CEACAM1: variants seen among roughly 807,000 people sequenced by gnomAD.
CEACAM1 encodes cell adhesion molecule CEACAM1.
A neutral mutation model predicts 49.1 loss-of-function variants in CEACAM1; 31 were observed. The observed-to-expected ratio is 0.63, with a 90% CI of 0.47 to 0.85. The LOEUF (loss-of-function observed/expected upper bound fraction) is 0.85. Among genes scored for constraint, CEACAM1 ranks in the 40% least tolerant of loss-of-function variants. The pLI is 0.00. For missense variants in CEACAM1, 570 were observed against 645.3 expected (o/e 0.88, Z 1.26); for synonymous variants, 244 against 247.8 (o/e 0.98, Z 0.14).
chr19:42,511,551 C>T, intron 7 of CEACAM1, 25 bp downstream of exon 7: 1 of 1,596,586 alleles, frequency 6.3e-7, no homozygotes, highest in Non-Finnish European at 8.6e-7. Context: ...TACCAGTTCT[C>T]ACTGGGGTAA....
chr19:42,519,630 C>T (rs1437881803), intron 4 of CEACAM1, among the ~76,000 whole-genome samples: 3 of 150,588 alleles, frequency 2.0e-5, no homozygotes, highest in African/African-American at 7.4e-5. Context: ...AATGCAGTGG[C>T]ATGATCTCAG....
At chr19:42,513,910 AT>A (rs1423261706) in intron 5 of CEACAM1, among the ~76,000 whole-genome samples, 8 of 132,968 alleles carry the variant, frequency 6.0e-5, no homozygotes, top group African/African-American at 2.6e-4. Context: ...ATATATATAT[AT>A]ATATATAATA....
At chr19:42,516,921 A>G in intron 5 of CEACAM1, 2 of 398,944 alleles carry the variant, frequency 5.0e-6, no homozygotes, top group Non-Finnish European at 9.7e-6. Flanking sequence ...CAACAACAAT[A>G]AAACAAACAA....
chr19:42,515,197 AG>A, intron 5 of CEACAM1: 1 of 521,528 alleles, frequency 1.9e-6, no homozygotes, highest in Non-Finnish European at 3.4e-6. Flanking sequence ...CAGGAGGTTG[AG>A]GCTGCAGTGA....
chr19:42,516,267 AC>A (rs1158340799), intron 5 of CEACAM1, among the ~76,000 whole-genome samples: 1 of 152,122 alleles, frequency 6.6e-6, no homozygotes, highest in Non-Finnish European at 1.5e-5. Context: ...TATATAGAAA[AC>A]CCTAGAGATT....
chr19:42,516,482 T>C (rs1461890140), intron 5 of CEACAM1, among the ~76,000 whole-genome samples: 3 of 152,008 alleles, frequency 2.0e-5, no homozygotes, highest in Non-Finnish European at 4.4e-5. Context: ...TACAAAACAT[T>C]GCCAAAAGAA....
At position 42,527,235 on chromosome 19, in the gene CEACAM1, C is replaced by T. The variant is rs751912957; in HGVS notation, c.230G>A (p.Arg77His). 67 of 1,613,762 alleles carry T rather than the reference C, an allele frequency of 4.2e-5. No homozygotes were observed. The highest frequency in any genetic ancestry group is 3.3e-4 in the Middle Eastern group (2 of 6,084). The change falls in exon 2 of 9, where the codon CGT becomes CAT. Residue 77 changes from arginine (R) to histidine (H), a missense_variant. Transcript: ENST00000161559. ...WYKGERVDGN[R>H]QIVGYAIGTQ... ...TCCTATTGCATATCCTACAATTTGA[C>T]GGTTGCCATCCACTCTTTCCCCTTT... is the stretch of plus-strand genomic sequence containing the variant.
chr19:42,518,785 C>G, intron 5 of CEACAM1, 163 bp downstream of exon 5: 1 of 805,744 alleles, frequency 1.2e-6, no homozygotes, highest in South Asian at 1.6e-5. Context: ...CAGGCGTGAG[C>G]CACTGTGCCC....
Position 42,512,396 on chromosome 19 carries a change from T to C in CEACAM1, c.1330A>G (p.Ile444Val). Residue 444 changes from isoleucine (I) to valine (V), a missense_variant, in exon 6 of 9, where the codon ATA becomes GTA. Transcript: ENST00000161559. ...VIGVVALVAL[I>V]AVALACFLHF... ...AGAAAACATGCCAGGGCTACTGCTA[T>C]CAGAGCAACCAGGGCCACTACTCCA... 6.2e-7 allele frequency: 1 copy of C among 1,614,142 alleles called. No individual in the cohort carries two copies. Among genetic ancestry groups the C allele is most frequent in the East Asian group, 2.2e-5 (1 of 44,886 alleles).
Position 42,527,371 on chromosome 19 carries a change from TG to T in CEACAM1, c.93del (p.Thr32ProfsTer49). Reference protein sequence around the residue: ...TASLLTFWNPPTTAQLTTESM... With the variant: ...TASLLTFWNPXTTAQLTTESM... ...GATTCAGTAGTGAGCTGGGCAGTGG[TG>T]GGCGGGTTCCAGAAGGTTAGAAGTG... is the stretch of plus-strand genomic sequence containing the variant. On this transcript the variant is annotated frameshift_variant, in exon 2 of 9. Coordinates refer to ENST00000161559, the MANE Select transcript of CEACAM1 (RefSeq NM_001712.5). LOFTEE classifies it high-confidence loss of function. 6.2e-7 allele frequency: 1 copy of T among 1,608,208 alleles called. No individual in the cohort carries two copies.
At position 42,519,119 on chromosome 19, in the gene CEACAM1, A is replaced by C; in HGVS notation, c.1075T>G (p.Trp359Gly). 6.2e-7 allele frequency: 1 copy of C among 1,614,196 alleles called. No individual in the cohort carries two copies. Among genetic ancestry groups the C allele is most frequent in the Admixed American group, 1.7e-5 (1 of 60,030 alleles). Residue 359 changes from tryptophan (W) to glycine (G), a missense_variant, in exon 5 of 9, where the codon TGG (tryptophan) becomes GGG (glycine). Transcript: ENST00000161559. ...GGGAGACTCTGGTTTTTGAAGAACCAACGGATGGAGATTCCAGTGTCATTT... is the reference window on the plus strand; with the variant it reads ...GGGAGACTCTGGTTTTTGAAGAACCCACGGATGGAGATTCCAGTGTCATTT... The part of the protein sequence containing the change: ...STNDTGISIR[W>G]FFKNQSLPSS...
rs1421131757 is a variant in CEACAM1, at chr19:42,519,122, G to A, written c.1072C>T (p.Arg358Cys). 6.2e-6 allele frequency: 10 copies of A among 1,614,176 alleles called. No homozygotes were observed. Among genetic ancestry groups the A allele is most frequent in the Admixed American group, 1.7e-5 (1 of 60,020 alleles). Residue 358 changes from arginine (R) to cysteine (C), a missense_variant, in exon 5 of 9, where the codon CGT (arginine) becomes TGT (cysteine). Transcript: ENST00000161559. Reference protein sequence around the residue: ...CSTNDTGISIRWFFKNQSLPS... With the variant: ...CSTNDTGISICWFFKNQSLPS... ...AGACTCTGGTTTTTGAAGAACCAAC[G>A]GATGGAGATTCCAGTGTCATTTGTG...
intron 4 of CEACAM1, among the ~76,000 whole-genome samples, chr19:42,519,874 C>G (rs1421568688): frequency 6.6e-6 from 1 of 152,164 alleles, no homozygotes; most frequent in Admixed American, 6.5e-5. Context: ...TGGCCTCCCA[C>G]TGACCCTTTC....
intron 8 of CEACAM1, 71 bp downstream of exon 8, chr19:42,510,818 T>C (rs2041438815): frequency 7.2e-7 from 1 of 1,388,444 alleles, no homozygotes; most frequent in Non-Finnish European, 1.0e-6. Flanking sequence ...CATTGTGTCT[T>C]CATGAATAAT....
In CEACAM1 at chr19:42,515,874, T is replaced by C. The variant is rs139337564; in HGVS notation, c.1246+3074A>G. Among the ~76,000 whole-genome samples the C allele has an allele frequency of 2.4e-4, 36 of 152,240 alleles. 1 individual carries two copies. Among genetic ancestry groups the C allele is most frequent in the African/African-American group, 8.2e-4 (34 of 41,542 alleles). ...AACCTGGATGAAATGAACAAATTCC[T>C]AGAAACACAAAACCTGCCATGATAG... is the stretch of plus-strand genomic sequence containing the variant. On this transcript the variant is annotated intron_variant, in intron 5 of 8. Coordinates refer to ENST00000161559, the MANE Select transcript of CEACAM1 (RefSeq NM_001712.5).
chr19:42,524,016 A>G (rs900929639), intron 2 of CEACAM1, among the ~76,000 whole-genome samples: 3 of 152,254 alleles, frequency 2.0e-5, no homozygotes, highest in African/African-American at 7.2e-5. Flanking sequence ...AAATTTAGAA[A>G]GAGTTCTATG....
chr19:42,527,510 T>A (rs1282982730), intron 1 of CEACAM1, 110 bp from the exon 2 acceptor site: 29 of 643,612 alleles, frequency 4.5e-5, no homozygotes, highest in Admixed American at 1.4e-4. Flanking sequence ...TTGGAGTGTG[T>A]GTGTGTGTGT....
At chr19:42,509,639 T>C (rs1568647829) in intron 8 of CEACAM1, among the ~76,000 whole-genome samples, 1 of 152,112 alleles carries the variant, frequency 6.6e-6, no homozygotes, top group Non-Finnish European at 1.5e-5. Context: ...AGAGTTTTTT[T>C]TTTTTGCGAC....
chr19:42,509,465 C>T (rs2041401754), intron 8 of CEACAM1, among the ~76,000 whole-genome samples: 1 of 152,154 alleles, frequency 6.6e-6, no homozygotes, highest in African/African-American at 2.4e-5. Context: ...CAGCAAACCA[C>T]AAATACATAC....
Sources: gnomAD v4.1 joint callset for allele counts (sites outside exome capture counted in the v4.1 genomes callset) on GRCh38, gnomAD v4.1.1 for gene constraint, MANE v1.5 for transcripts, NCBI Gene and HGNC (gene_info 2026-07-23, HGNC 2026-07-21) for gene names.